KNDC1: variants seen among roughly 807,000 people sequenced by gnomAD.
KNDC1 encodes kinase non-catalytic C-lobe domain containing 1, also known as kinase non-catalytic C-lobe domain-containing protein 1.
Under a neutral mutation model 172.8 loss-of-function variants are expected in KNDC1, and 106 were observed. The observed-to-expected ratio is 0.61, with a 90% CI of 0.52 to 0.72. The LOEUF (loss-of-function observed/expected upper bound fraction) is 0.72. Among genes scored for constraint, KNDC1 ranks in the 30% least tolerant of loss-of-function variants. The pLI, the probability that KNDC1 is intolerant of heterozygous loss-of-function variation, is 0.00. For missense variants in KNDC1, 2,325 were observed against 2,394.5 expected (o/e 0.97, Z 0.61); for synonymous variants, 1,083 against 1,062.2 (o/e 1.02, Z -0.38).
At chr10:133,184,080 G>GCA (rs891409641) in intron 5 of KNDC1, 91 bp downstream of exon 5, 1,190 of 647,126 alleles carry the variant, frequency 1.8e-3, no homozygotes, top group South Asian at 3.0e-3. Flanking sequence ...ACACACCCAT[G>GCA]CACACACACA....
intron 3 of KNDC1, 44 bp from the exon 4 acceptor site, chr10:133,183,300 G>T: frequency 6.5e-7 from 1 of 1,533,950 alleles, no homozygotes; most frequent in East Asian, 2.4e-5. Context: ...TCGGGGTGGC[G>T]CACACGCAGA....
chr10:133,171,980 A>G (rs917983957), intron 3 of KNDC1, among the ~76,000 whole-genome samples: 3 of 152,180 alleles, frequency 2.0e-5, no homozygotes, highest in Admixed American at 2.0e-4. Context: ...TAATATTTCT[A>G]ATAACTTACA....
intron 1 of KNDC1, among the ~76,000 whole-genome samples, chr10:133,161,755 G>A (rs1052886664): frequency 1.3e-5 from 2 of 151,976 alleles, no homozygotes; most frequent in African/African-American, 2.4e-5. Context: ...GGGGCAGCCC[G>A]CAGCCTTCAG....
intron 3 of KNDC1, among the ~76,000 whole-genome samples, chr10:133,177,232 T>C (rs1414953562): frequency 6.6e-6 from 1 of 152,042 alleles, no homozygotes; most frequent in Non-Finnish European, 1.5e-5. Flanking sequence ...GGTGTGTGCA[T>C]ATGCATGCAA....
intron 14 of KNDC1, 95 bp downstream of exon 14, chr10:133,199,361 C>T (rs946508167): frequency 6.4e-7 from 1 of 1,565,142 alleles, no homozygotes; most frequent in Non-Finnish European, 8.7e-7. Context: ...CCCAGCCCCC[C>T]AGCCGAGATC....
intron 23 of KNDC1, among the ~76,000 whole-genome samples, 173 bp from the exon 24 acceptor site, chr10:133,212,543 T>G (rs970205109): frequency 1.1e-4 from 16 of 152,238 alleles, no homozygotes; most frequent in Non-Finnish European, 5.9e-5. Context: ...CAGGCATCCT[T>G]GTGCCAGCAC....
chr10:133,189,648 T>C lies in KNDC1; in HGVS notation c.1492T>C (p.Phe498Leu). The change falls in exon 8 of 30, where the codon TTC becomes CTC. Residue 498 changes from phenylalanine to leucine, a missense_variant. Phe to Leu is a conservative substitution (Grantham distance 22). Transcript: ENST00000304613. Reference protein sequence around the residue: ...VLVAEDGAVLFQPPPANGSYD... With the variant: ...VLVAEDGAVLLQPPPANGSYD... ...GGTTGCTGAGGACGGGGCTGTGCTC[T>C]TCCAGCCACCCCCTGCCAACGGTGA... The C allele has an allele frequency of 1.2e-6, 2 of 1,613,856 alleles. No homozygotes were observed. Among genetic ancestry groups the C allele is most frequent in the Non-Finnish European group, 1.7e-6 (2 of 1,179,980 alleles).
intron 10 of KNDC1, among the ~76,000 whole-genome samples, chr10:133,196,639 A>G (rs1488639221): frequency 6.6e-6 from 1 of 152,184 alleles, no homozygotes; most frequent in East Asian, 1.9e-4. Context: ...CAAGCAGTGA[A>G]AGCAGATTTT....
In KNDC1 at chr10:133,167,583, AGGCGGCGGTGGCGGTGGC is replaced by A; in HGVS notation, c.301+13_301+30del. 1.3e-6 allele frequency: 2 copies of A among 1,579,244 alleles called. No homozygotes were observed. Among genetic ancestry groups the A allele is most frequent in the Non-Finnish European group, 8.6e-7 (1 of 1,162,962 alleles). On this transcript the variant is annotated splice_donor_5th_base_variant and intron_variant, in intron 2 of 29. Transcript: ENST00000304613. The stretch of plus-strand genomic sequence containing the variant: ...TGTTTCATGGAGCAGCTCAGCGGTG[AGGCGGCGGTGGCGGTGGC>A]GGCGGCGGCGGGCACGCGGGGTGGA...
At position 133,225,076 on chromosome 10, in the gene KNDC1, AG is replaced by A; in HGVS notation, c.*187del. On this transcript the variant is annotated 3_prime_UTR_variant, in exon 30 of 30. Transcript: ENST00000304613. ...GGACAGGCAGAGCTGGTCTCCTCCC[AG>A]CAGACGGAGCCAGGACGGGCACAAG... 1.7e-6 allele frequency: 1 copy of A among 598,734 alleles called. No homozygotes were observed. The highest frequency in any genetic ancestry group is 3.0e-6 in the Non-Finnish European group (1 of 332,262). 37.1% of individuals were successfully genotyped at this position (598,734 alleles called of 1,614,324 possible). A position where few individuals can be genotyped will look rare whatever the true frequency, so the allele number is the denominator to read the frequency against.
At chr10:133,178,140 C>T (rs1853608639) in intron 3 of KNDC1, among the ~76,000 whole-genome samples, 1 of 147,010 alleles carries the variant, frequency 6.8e-6, no homozygotes, top group African/African-American at 2.5e-5. Flanking sequence ...TGCATGTAGT[C>T]TATGTGTCAC....
intron 1 of KNDC1, among the ~76,000 whole-genome samples, chr10:133,165,492 C>G (rs1478487179): frequency 6.6e-6 from 1 of 152,130 alleles, no homozygotes; most frequent in African/African-American, 2.4e-5. Context: ...GGGACGGGGA[C>G]CGGCTGAGAC....
intron 17 of KNDC1, chr10:133,202,587 C>T (rs1854404435): frequency 2.2e-6 from 1 of 456,390 alleles, no homozygotes; most frequent in Admixed American, 2.4e-5. Flanking sequence ...ACCTCTCCTA[C>T]CACCGTCTGC....
intron 29 of KNDC1, among the ~76,000 whole-genome samples, chr10:133,220,751 A>C (rs1224511487): frequency 3.8e-5 from 4 of 104,824 alleles, no homozygotes; most frequent in African/African-American, 1.4e-4. Flanking sequence ...CCGCGCGCCC[A>C]GGTGAGGAGG....
At chr10:133,189,873 C>A in intron 9 of KNDC1, 60 bp downstream of exon 9, 1 of 1,367,736 alleles carries the variant, frequency 7.3e-7, no homozygotes, top group Non-Finnish European at 1.0e-6. Context: ...GATGCCACGT[C>A]CCCCATCTGT....
At chr10:133,187,854 C>A (rs913763503) in intron 6 of KNDC1, among the ~76,000 whole-genome samples, 1 of 152,108 alleles carries the variant, frequency 6.6e-6, no homozygotes. Flanking sequence ...GCACAGCTGT[C>A]CCCATCAGCC....
intron 23 of KNDC1, among the ~76,000 whole-genome samples, chr10:133,212,134 G>C (rs191941468): frequency 6.7e-6 from 1 of 149,988 alleles, no homozygotes; most frequent in African/African-American, 2.5e-5. Flanking sequence ...GCACACGCAC[G>C]TGCACCTTCA....
chr10:133,170,476 C>T (rs532998652), intron 3 of KNDC1, among the ~76,000 whole-genome samples: 19 of 152,140 alleles, frequency 1.2e-4, no homozygotes, highest in Non-Finnish European at 2.5e-4. Flanking sequence ...CTCCTTCCTG[C>T]GTCATAGGGG....
chr10:133,205,814 A>G (rs1845170721), intron 17 of KNDC1, among the ~76,000 whole-genome samples: 1 of 152,182 alleles, frequency 6.6e-6, no homozygotes, highest in African/African-American at 2.4e-5. Flanking sequence ...CCACCTGGGC[A>G]GCAGAGCGAA....
Sources: gnomAD v4.1 joint callset for allele counts (sites outside exome capture counted in the v4.1 genomes callset) on GRCh38, gnomAD v4.1.1 for gene constraint, MANE v1.5 for transcripts, NCBI Gene and HGNC (gene_info 2026-07-23, HGNC 2026-07-21) for gene names.